Variants in LEPROTL1 observed in about 807,000 individuals in gnomAD.
LEPROTL1 encodes leptin receptor overlapping transcript like 1.
LEPROTL1 carries 6 observed loss-of-function variants against 15.4 expected under a neutral mutation model. The observed-to-expected ratio is 0.39, with a 90% CI of 0.21 to 0.77. The LOEUF is 0.77. Ranked by LOEUF, LEPROTL1 falls within the 30% of genes least tolerant of loss-of-function variation. LEPROTL1 has a pLI of 0.41. For missense variants in LEPROTL1, 128 were observed against 158.1 expected (o/e 0.81, Z 1.02); for synonymous variants, 56 against 52.6 (o/e 1.06, Z -0.28).
intron 3 of LEPROTL1, among the ~76,000 whole-genome samples, chr8:30,122,949 A>C (rs766747081): frequency 3.3e-5 from 5 of 152,180 alleles, no homozygotes; most frequent in Admixed American, 2.6e-4. Flanking sequence ...TCAGCTCACA[A>C]ATCTGTAATT....
downstream of LEPROTL1, among the ~76,000 whole-genome samples, chr8:30,110,007 A>G (rs773797073): frequency 6.6e-6 from 1 of 152,196 alleles, no homozygotes; most frequent in African/African-American, 2.4e-5. Context: ...TCTGAGCTCA[A>G]GATACTCATA....
intron 3 of LEPROTL1, among the ~76,000 whole-genome samples, chr8:30,120,183 G>A (rs1357855522): frequency 1.3e-5 from 2 of 152,072 alleles, no homozygotes; most frequent in Non-Finnish European, 1.5e-5. Flanking sequence ...TATTACTAAT[G>A]AGTTTTGCCC....
In LEPROTL1 at chr8:30,131,296, A is replaced by ATG. The variant is rs1554485368; in HGVS notation, c.280-1069_280-1068dup. On this transcript the variant is annotated intron_variant, in intron 3 of 4. Coordinates refer to the LEPROTL1 transcript ENST00000442880. Reference sequence around the variant, plus strand: ...TGTGTGTGTATATATATATATATATATGTGTGTGTGTATATATATATATAT... The same window carrying ATG: ...TGTGTGTGTATATATATATATATATATGTGTGTGTGTGTATATATATATATAT... Among the ~76,000 whole-genome samples the ATG allele has an allele frequency of 8.0e-3, 993 of 123,886 alleles. 4 individuals are homozygous for ATG. Among genetic ancestry groups the ATG allele is most frequent in the Middle Eastern group, 0.022 (5 of 230 alleles). 81.3% of individuals were successfully genotyped at this position (123,886 alleles called of 152,430 possible).
intron 3 of LEPROTL1, 70 bp from the exon 4 acceptor site, chr8:30,105,676 G>A (rs1409158991): frequency 2.2e-6 from 3 of 1,341,894 alleles, no homozygotes; most frequent in South Asian, 1.2e-5. Context: ...TACAACTAGA[G>A]CCTTGATTTT....
downstream of LEPROTL1, among the ~76,000 whole-genome samples, chr8:30,112,147 C>T (rs1201363279): frequency 1.3e-5 from 2 of 152,166 alleles, no homozygotes; most frequent in African/African-American, 2.4e-5. Flanking sequence ...TCATATCCAC[C>T]TGTTACCCAG....
intron 3 of LEPROTL1, among the ~76,000 whole-genome samples, chr8:30,126,990 A>G (rs1802914839): frequency 2.0e-5 from 3 of 152,082 alleles, no homozygotes; most frequent in Admixed American, 2.0e-4. Flanking sequence ...CAGTGAGCCA[A>G]CATGGCACCA....
chr8:30,104,160 G>T (rs1388711904), intron 2 of LEPROTL1, 140 bp from the exon 3 acceptor site: 1 of 450,314 alleles, frequency 2.2e-6, no homozygotes, highest in African/African-American at 2.0e-5. Context: ...GAAGTTTAGG[G>T]TTGTTTCAGC....
Position 30,107,896 on chromosome 8 carries a change from C to T in LEPROTL1, c.*2034C>T. 1.0e-6 allele frequency: 1 copy of T among 985,150 alleles called. No individual in the cohort carries two copies. Among genetic ancestry groups the T allele is most frequent in the East Asian group, 1.1e-4 (1 of 8,816 alleles). The allele number at this position is 985,150 out of a possible 1,614,324, so 61.0% of individuals were successfully genotyped here. ...TATTTCTATATACTAACTGCATTGG[C>T]AGCATTGTGTCTTTGACCTTGTATA... On this transcript the variant is annotated 3_prime_UTR_variant, in exon 4 of 4. Transcript: ENST00000321250.
At chr8:30,121,487 CAA>C (rs1299013355) in intron 3 of LEPROTL1, among the ~76,000 whole-genome samples, 1 of 152,148 alleles carries the variant, frequency 6.6e-6, no homozygotes, top group African/African-American at 2.4e-5. Context: ...CTCCTGAGCT[CAA>C]GTGATCCGCC....
downstream of LEPROTL1, among the ~76,000 whole-genome samples, chr8:30,111,488 C>A (rs1802652086): frequency 1.3e-5 from 2 of 152,188 alleles, no homozygotes; most frequent in African/African-American, 2.4e-5. Context: ...CTGTATTTCA[C>A]TTCGGCTATG....
chr8:30,132,112 G>T (rs1285013671), intron 3 of LEPROTL1: 4 of 1,551,726 alleles, frequency 2.6e-6, no homozygotes, highest in East Asian at 2.4e-5. Context: ...CCAGGTGAGG[G>T]TTCTATAGAA....
rs186658057 is a variant in LEPROTL1, at chr8:30,132,980, C to T, written c.394+491C>T. Reference sequence around the variant, plus strand: ...CTCTCTCTTATTCCAGTCTGTCATACATGATCTCGCAGGAAATAGATAGGT... The same window carrying T: ...CTCTCTCTTATTCCAGTCTGTCATATATGATCTCGCAGGAAATAGATAGGT... On this transcript the variant is annotated intron_variant, in intron 4 of 4. Coordinates refer to the LEPROTL1 transcript ENST00000442880. 149 of 1,413,648 alleles carry T rather than the reference C, an allele frequency of 1.1e-4. 1 individual carries two copies. The highest frequency in any genetic ancestry group is 3.4e-4 in the Admixed American group (12 of 35,696). The allele number at this position is 1,413,648 out of a possible 1,614,324, so 87.6% of individuals were successfully genotyped here. A position where few individuals can be genotyped will look rare whatever the true frequency, so the allele number is the denominator to read the frequency against.
chr8:30,117,826 C>T, intron 3 of LEPROTL1: 1 of 642,436 alleles, frequency 1.6e-6, no homozygotes, highest in South Asian at 1.8e-5. Flanking sequence ...GACCCTGTTT[C>T]TATAAAAAAT....
chr8:30,114,471 A>G (rs1477676040), intron 3 of LEPROTL1, among the ~76,000 whole-genome samples: 7 of 151,680 alleles, frequency 4.6e-5, no homozygotes, highest in Admixed American at 4.6e-4. Context: ...TTGTATTTTT[A>G]GTAGAGACAG....
In LEPROTL1 at chr8:30,106,722, C is replaced by T; in HGVS notation, c.*860C>T. On this transcript the variant is annotated 3_prime_UTR_variant, in exon 4 of 4. Coordinates refer to ENST00000321250, the MANE Select transcript of LEPROTL1 (RefSeq NM_015344.3). ...AGTGAAATTTGTGATCTCCTATCAA[C>T]CTTTCATGTTTTACCCTGTTAAAAT... 1.0e-6 allele frequency: 1 copy of T among 985,064 alleles called. No homozygotes were observed. Among genetic ancestry groups the T allele is most frequent in the Non-Finnish European group, 1.2e-6 (1 of 829,234 alleles). The allele number at this position is 985,064 out of a possible 1,614,324, so 61.0% of individuals were successfully genotyped here. A position where few individuals can be genotyped will look rare whatever the true frequency, so the allele number is the denominator to read the frequency against.
At chr8:30,136,414 A>C (rs1038289679) in intron 4 of LEPROTL1, among the ~76,000 whole-genome samples, 3 of 152,178 alleles carry the variant, frequency 2.0e-5, no homozygotes, top group African/African-American at 7.2e-5. Flanking sequence ...CGTCATCATC[A>C]GTGACTTCCA....
chr8:30,100,300 G>A (rs12386822), intron 1 of LEPROTL1, among the ~76,000 whole-genome samples: 88,233 of 151,968 alleles, frequency 0.58, 27,701 homozygotes, highest in Non-Finnish European at 0.69. Flanking sequence ...CTTTGTTTTG[G>A]TAACTTTTAG....
chr8:30,101,423 T>C (rs1341344252), intron 1 of LEPROTL1, among the ~76,000 whole-genome samples: 1 of 152,130 alleles, frequency 6.6e-6, no homozygotes, highest in Admixed American at 6.5e-5. Context: ...ATCCCAGCAC[T>C]TTGGGAGGCC....
chr8:30,106,857 A>G lies in LEPROTL1; in HGVS notation c.*995A>G. ...TTGACTTATTTGGTATGTTGTATATATTACATAAAATAACTTTTCAAATAT... is the reference window on the plus strand; with the variant it reads ...TTGACTTATTTGGTATGTTGTATATGTTACATAAAATAACTTTTCAAATAT... On this transcript the variant is annotated 3_prime_UTR_variant, in exon 4 of 4. Coordinates refer to ENST00000321250, the MANE Select transcript of LEPROTL1 (RefSeq NM_015344.3). 1 of 983,974 alleles carries G rather than the reference A, an allele frequency of 1.0e-6. No homozygotes were observed. The highest frequency in any genetic ancestry group is 4.7e-5 in the South Asian group (1 of 21,256). The allele number at this position is 983,974 out of a possible 1,614,324, so 61.0% of individuals were successfully genotyped here. A position where few individuals can be genotyped will look rare whatever the true frequency, so the allele number is the denominator to read the frequency against.
Sources: gnomAD v4.1 joint callset for allele counts (sites outside exome capture counted in the v4.1 genomes callset) on GRCh38, gnomAD v4.1.1 for gene constraint, MANE v1.5 for transcripts, NCBI Gene and HGNC (gene_info 2026-07-23, HGNC 2026-07-21) for gene names.